Variants in AVEN observed in about 807,000 individuals in gnomAD.
AVEN encodes the protein apoptosis and caspase activation inhibitor, also known as cell death regulator Aven.
In AVEN, 41 loss-of-function variants were observed where a neutral mutation model predicts 38.1. The ratio of observed to expected loss-of-function variants is 1.08; its 90% CI spans 0.84 to 1.40. The LOEUF (loss-of-function observed/expected upper bound fraction) is 1.40. Ranked by LOEUF, AVEN falls within the 40% of genes most tolerant of loss-of-function variation. AVEN has a pLI of 0.00. For synonymous variants in AVEN, 206 were observed against 171.8 expected (o/e 1.20, Z -1.56); for missense variants, 605 against 438.8 (o/e 1.38, Z -3.38).
chr15:33,863,438 A>G (rs181325185), downstream of AVEN, among the ~76,000 whole-genome samples: 9 of 152,282 alleles, frequency 5.9e-5, no homozygotes, highest in Admixed American at 5.9e-4. Context: ...TCAGAAGGAC[A>G]TAATTTCTAC....
chr15:34,001,057 G>A (rs1040686878), intron 2 of AVEN, among the ~76,000 whole-genome samples: 1 of 126,072 alleles, frequency 7.9e-6, no homozygotes, highest in Non-Finnish European at 1.6e-5. Flanking sequence ...TTTTGCTCTT[G>A]TTGCCCAGGC....
chr15:34,037,463 C>T (rs1281929343), intron 1 of AVEN, among the ~76,000 whole-genome samples: 3 of 150,328 alleles, frequency 2.0e-5, no homozygotes, highest in Non-Finnish European at 3.0e-5. Context: ...AGATTACTCT[C>T]TATATATGGA....
At chr15:33,991,876 T>A (rs1896739671) in intron 2 of AVEN, 1 of 153,096 alleles carries the variant, frequency 6.5e-6, no homozygotes, top group Non-Finnish European at 1.5e-5. Context: ...GTCATAGATT[T>A]AAAGGAAAAA....
chr15:33,857,870 G>A (rs201221837), downstream of AVEN: 182 of 1,614,084 alleles, frequency 1.1e-4, no homozygotes, highest in Non-Finnish European at 1.3e-4. Context: ...CAACAAAAGC[G>A]AAGACGATGA....
At chr15:33,860,548 C>T in intron 11 of AVEN, 1 of 1,191,872 alleles carries the variant, frequency 8.4e-7, no homozygotes, top group South Asian at 1.6e-5. Context: ...TTCCTCTACC[C>T]CTGAACCACT....
At position 34,063,894 on chromosome 15, in the gene AVEN, A is replaced by T. The variant is rs754976901; in HGVS notation, n.1127-462T>A. 1 of 1,614,160 alleles carries T rather than the reference A, an allele frequency of 6.2e-7. No homozygotes were observed. The highest frequency in any genetic ancestry group is 8.5e-7 in the Non-Finnish European group (1 of 1,180,018). On this transcript the variant is annotated intron_variant and non_coding_transcript_variant, in intron 4 of 11. Coordinates refer to the AVEN transcript ENST00000675287. This position sits in a 1 kb window ranked among gnomAD's most constrained non-coding sequence, Gnocchi z 4.1. ...GGTAAAAGCTGACGGGAACCAGGAG[A>T]CCAACAATGGCTGTCACAAGGTGAA...
chr15:33,933,518 CACACACAG>C (rs1893937416), intron 2 of AVEN, among the ~76,000 whole-genome samples: 5 of 114,912 alleles, frequency 4.4e-5, no homozygotes, highest in African/African-American at 1.8e-4. Flanking sequence ...CACACACACA[CACACACAG>C]AGAGAGAGAG....
intron 2 of AVEN, among the ~76,000 whole-genome samples, chr15:34,068,609 C>T (rs924549788): frequency 2.6e-5 from 4 of 152,110 alleles, no homozygotes; most frequent in African/African-American, 9.7e-5. Flanking sequence ...ATTATGTAAT[C>T]TACAGTCCAC....
At chr15:33,983,396 G>T (rs1002381533) in intron 2 of AVEN, among the ~76,000 whole-genome samples, 7 of 151,612 alleles carry the variant, frequency 4.6e-5, no homozygotes, top group African/African-American at 1.7e-4. Flanking sequence ...TAACATAAAC[G>T]CTTCCATTCT....
At chr15:33,994,866 A>T (rs1896868900) in intron 2 of AVEN, among the ~76,000 whole-genome samples, 1 of 152,246 alleles carries the variant, frequency 6.6e-6, no homozygotes, top group South Asian at 2.1e-4. Context: ...GAATTGGACC[A>T]GAGGTCCAGC....
intron 2 of AVEN, among the ~76,000 whole-genome samples, chr15:33,996,932 C>A (rs1896960558): frequency 1.3e-5 from 2 of 152,116 alleles, no homozygotes; most frequent in South Asian, 4.1e-4. Context: ...GCTGTTCGAA[C>A]CCATCGCAAG....
chr15:34,055,756 A>C (rs972851292), intron 5 of AVEN, among the ~76,000 whole-genome samples: 1 of 152,074 alleles, frequency 6.6e-6, no homozygotes, highest in African/African-American at 2.4e-5. Context: ...AGCCGAGATC[A>C]CACCACTGCA....
intron 1 of AVEN, among the ~76,000 whole-genome samples, chr15:34,033,150 C>T (rs962674503): frequency 3.9e-5 from 6 of 152,092 alleles, no homozygotes; most frequent in African/African-American, 4.8e-5. Context: ...TGTTCATCCA[C>T]GGATACTCAA....
intron 2 of AVEN, among the ~76,000 whole-genome samples, chr15:33,890,019 G>A (rs777561558): frequency 6.6e-6 from 1 of 152,238 alleles, no homozygotes; most frequent in African/African-American, 2.4e-5. Context: ...GCCACAAGGT[G>A]TCAAGGCGAG....
downstream of AVEN, among the ~76,000 whole-genome samples, chr15:33,857,183 A>G (rs1567340674): frequency 3.3e-5 from 5 of 152,098 alleles, no homozygotes; most frequent in African/African-American, 1.2e-4. Flanking sequence ...CTATTTTGTT[A>G]AACAACAGAA....
chr15:33,863,047 G>A (rs1287619178), downstream of AVEN, among the ~76,000 whole-genome samples: 1 of 152,122 alleles, frequency 6.6e-6, no homozygotes, highest in Non-Finnish European at 1.5e-5. Flanking sequence ...CTGTACCCAT[G>A]GGTTATAGAC....
Position 34,039,061 on chromosome 15 carries a change from C to T in AVEN, c.-15G>A, listed in dbSNP as rs891905059. On this transcript the variant is annotated 5_prime_UTR_variant, in exon 1 of 6. Transcript: ENST00000306730. ...TCCGCCTGCATCTGGCCGCCGCTGG[C>T]GGTGCTGAGCGCGCGGGAGCCGAGC... 3.7e-6 allele frequency: 4 copies of T among 1,092,090 alleles called. No homozygotes were observed. In the African/African-American group the frequency reaches 5.1e-5, roughly 14 times the overall value. 67.6% of individuals were successfully genotyped at this position (1,092,090 alleles called of 1,614,324 possible).
At chr15:34,044,827 G>T (rs1899627277) in intron 5 of AVEN, among the ~76,000 whole-genome samples, 1 of 152,218 alleles carries the variant, frequency 6.6e-6, no homozygotes, top group South Asian at 2.1e-4. Flanking sequence ...GAGGCGGGAG[G>T]ATCATGAGGT....
the AVEN span, chr15:33,853,776 C>A: frequency 6.7e-7 from 1 of 1,495,118 alleles, no homozygotes; most frequent in Non-Finnish European, 9.0e-7. Flanking sequence ...TCTTTGTTCT[C>A]TCAGGCTGTG....
Sources: allele counts gnomAD v4.1 joint callset (sites outside exome capture counted in the v4.1 genomes callset), GRCh38; gene constraint gnomAD v4.1.1; non-coding constraint Gnocchi (gnomAD v3.1); transcripts MANE v1.5; gene names NCBI Gene and HGNC (gene_info 2026-07-23, HGNC 2026-07-21).